The following BNC2 variants were observed in gnomAD, a reference collection of about 807,000 sequenced individuals.
BNC2 encodes the protein zinc finger protein basonuclin-2.
In BNC2, 20 loss-of-function variants were observed where a neutral mutation model predicts 76.3. The observed-to-expected ratio is 0.26, with a 90% CI of 0.18 to 0.38. BNC2 has a LOEUF of 0.38. Among genes scored for constraint, BNC2 ranks in the 10% least tolerant of loss-of-function variants. The pLI is 1.00. For missense variants in BNC2, 1,382 were observed against 1,399.8 expected, an observed-to-expected ratio of 0.99 and a Z score of 0.20; for synonymous variants, 582 against 514.8, an observed-to-expected ratio of 1.13 and a Z score of -1.77.
At chr9:16,488,337 C>T (rs780674782) in intron 5 of BNC2, among the ~76,000 whole-genome samples, 2 of 152,142 alleles carry the variant, frequency 1.3e-5, no homozygotes, top group Non-Finnish European at 2.9e-5. Flanking sequence ...TTTAAGTAAT[C>T]AGAGTGGTGA....
At chr9:16,564,025 A>G (rs1296997153) in intron 4 of BNC2, among the ~76,000 whole-genome samples, 1 of 152,214 alleles carries the variant, frequency 6.6e-6, no homozygotes, top group African/African-American at 2.4e-5. Context: ...GTGATAAAAG[A>G]CTTTCCAGTG....
chr9:16,475,791 C>G (rs1342877042), intron 5 of BNC2, among the ~76,000 whole-genome samples: 1 of 152,160 alleles, frequency 6.6e-6, no homozygotes, highest in Non-Finnish European at 1.5e-5. Flanking sequence ...ACTGTAAAGG[C>G]AAGTGAGAAC....
intron 3 of BNC2, among the ~76,000 whole-genome samples, chr9:16,722,970 C>T (rs371936486): frequency 1.3e-5 from 2 of 152,198 alleles, no homozygotes; most frequent in East Asian, 1.9e-4. Context: ...GTTACATTAT[C>T]AGACAATATA....
In BNC2 at chr9:16,838,488, G is replaced by C. The variant is rs1818756370; in HGVS notation, c.3+32158C>G. On this transcript the variant is annotated intron_variant, in intron 1 of 6. Coordinates refer to ENST00000380672, the MANE Select transcript of BNC2 (RefSeq NM_017637.6). ...AGGCAGGAGAATCGCTTGAACCCCA[G>C]AAGCGGAGGTTGCAGTGAGCCAAGA... Among the ~76,000 whole-genome samples the C allele has an allele frequency of 2.6e-5, 4 of 152,170 alleles. No individual in the cohort carries two copies. The South Asian group carries it at 8.3e-4, about 32-fold the overall frequency.
intron 1 of BNC2, among the ~76,000 whole-genome samples, chr9:16,837,387 C>G (rs1262653430): frequency 2.6e-5 from 4 of 152,104 alleles, no homozygotes. Context: ...GCCTGTAATC[C>G]CAGCTACTCA....
chr9:16,467,597 C>T (rs1295444828), intron 5 of BNC2, among the ~76,000 whole-genome samples: 1 of 141,436 alleles, frequency 7.1e-6, no homozygotes, highest in East Asian at 2.1e-4. Context: ...AAACCAAACA[C>T]CGCATATTCT....
intron 5 of BNC2, among the ~76,000 whole-genome samples, chr9:16,457,945 T>C (rs1314381245): frequency 1.3e-5 from 2 of 152,150 alleles, no homozygotes; most frequent in Non-Finnish European, 2.9e-5. Context: ...TAAAGAGAGA[T>C]TCTGTGATGG....
intron 1 of BNC2, among the ~76,000 whole-genome samples, chr9:16,842,181 G>T (rs192009870): frequency 2.0e-5 from 3 of 152,128 alleles, no homozygotes; most frequent in African/African-American, 7.2e-5. Flanking sequence ...TTTAACATAT[G>T]AACCTCCACT....
At chr9:16,749,743 G>C (rs1256222310) in intron 1 of BNC2, among the ~76,000 whole-genome samples, 2 of 151,750 alleles carry the variant, frequency 1.3e-5, no homozygotes, top group Non-Finnish European at 2.9e-5. Flanking sequence ...AAGATGCACT[G>C]TTCCTTGGAT....
intron 1 of BNC2, among the ~76,000 whole-genome samples, chr9:16,818,358 G>T (rs903536271): frequency 3.3e-5 from 5 of 152,164 alleles, no homozygotes; most frequent in East Asian, 1.9e-4. Flanking sequence ...GAGCCGACAT[G>T]GCGCCACTGC....
At chr9:16,634,398 T>C (rs1195805032) in intron 3 of BNC2, among the ~76,000 whole-genome samples, 3 of 152,238 alleles carry the variant, frequency 2.0e-5, no homozygotes, top group Non-Finnish European at 4.4e-5. Flanking sequence ...TCACATGAAG[T>C]CTGGATACTG....
intron 1 of BNC2, among the ~76,000 whole-genome samples, chr9:16,846,667 C>A (rs577031568): frequency 1.2e-4 from 18 of 152,320 alleles, no homozygotes; most frequent in South Asian, 6.2e-4. Context: ...CGGCCCCAGT[C>A]ATAAGCATAT....
chr9:16,677,185 C>T (rs1049797481), intron 3 of BNC2, among the ~76,000 whole-genome samples: 5 of 152,124 alleles, frequency 3.3e-5, no homozygotes, highest in African/African-American at 1.2e-4. Flanking sequence ...AATACACAGG[C>T]ACAATCTCCT....
intron 4 of BNC2, among the ~76,000 whole-genome samples, chr9:16,574,826 G>A (rs1393601746): frequency 6.6e-6 from 1 of 152,126 alleles, no homozygotes; most frequent in Non-Finnish European, 1.5e-5. Context: ...ATGAATCTGT[G>A]TTATTTAGAT....
chr9:16,420,451 CAG>C (rs140065941), intron 6 of BNC2, among the ~76,000 whole-genome samples: 6,561 of 151,816 alleles, frequency 0.043, 383 homozygotes, highest in East Asian at 0.13. Context: ...AACGGAAAAA[CAG>C]AAACTTTTTA....
chr9:16,512,802 T>C (rs1822789618), intron 5 of BNC2, among the ~76,000 whole-genome samples: 1 of 152,134 alleles, frequency 6.6e-6, no homozygotes, highest in Non-Finnish European at 1.5e-5. Context: ...AGCACTGGCA[T>C]AAAGCATAAC....
chr9:16,762,476 G>A (rs955558878), intron 1 of BNC2, among the ~76,000 whole-genome samples: 1 of 152,212 alleles, frequency 6.6e-6, no homozygotes, highest in Non-Finnish European at 1.5e-5. Flanking sequence ...ACCCCTGGAT[G>A]TGCACATTAC....
chr9:16,771,035 G>A (rs1825819666), intron 1 of BNC2, among the ~76,000 whole-genome samples: 1 of 152,022 alleles, frequency 6.6e-6, no homozygotes, highest in Admixed American at 6.5e-5. Flanking sequence ...TGAGCATGGT[G>A]CCGCATGCCT....
At chr9:16,503,442 AAT>A (rs1822562766) in intron 5 of BNC2, among the ~76,000 whole-genome samples, 1 of 152,094 alleles carries the variant, frequency 6.6e-6, no homozygotes, top group South Asian at 2.1e-4. Flanking sequence ...TTTCCCTAAG[AAT>A]TTTTTTTTCT....
Sources: allele counts gnomAD v4.1 joint callset (sites outside exome capture counted in the v4.1 genomes callset), GRCh38; gene constraint gnomAD v4.1.1; transcripts MANE v1.5; gene names NCBI Gene and HGNC (gene_info 2026-07-23, HGNC 2026-07-21).